Variants in EXOC6 observed in about 807,000 individuals in gnomAD.
EXOC6 encodes SEC15-like 1.
Under a neutral mutation model 112.5 loss-of-function variants are expected in EXOC6, and 60 were observed. That is an observed-to-expected ratio of 0.53 (90% CI 0.43 to 0.66). The LOEUF is 0.66. Among genes scored for constraint, EXOC6 ranks in the 30% least tolerant of loss-of-function variants. The probability of loss-of-function intolerance (pLI) is 0.00; values close to 1 mark genes in which losing one functional copy is unlikely to be tolerated. For missense variants in EXOC6, 855 were observed against 957.1 expected (o/e 0.89, Z 1.41); for synonymous variants, 295 against 308.0 (o/e 0.96, Z 0.44).
At chr10:92,914,794 G>C (rs891949557) in intron 6 of EXOC6, among the ~76,000 whole-genome samples, 1 of 152,192 alleles carries the variant, frequency 6.6e-6, no homozygotes, top group African/African-American at 2.4e-5. Flanking sequence ...AAAATAGCCA[G>C]TGCACGACCT....
chr10:93,012,945 G>A (rs983914820), intron 19 of EXOC6, among the ~76,000 whole-genome samples: 15 of 152,026 alleles, frequency 9.9e-5, no homozygotes, highest in Non-Finnish European at 1.5e-5. Context: ...CTACTTGGGA[G>A]GCTGATTCCT....
Position 92,915,906 on chromosome 10 carries a change from A to C in EXOC6, c.812A>C (p.Glu271Ala), listed in dbSNP as rs775779225. The change falls in exon 7 of 22, where the codon GAA (glutamate) becomes GCA (alanine). Residue 271 changes from glutamate (E) to alanine (A), a missense_variant. Glu to Ala is a moderately radical substitution (Grantham distance 107, BLOSUM62 -1). Around this residue, in one of 2 missense-constraint regions of EXOC6, gnomAD observed 405 missense variants for 393.6 expected, o/e 1.03. Coordinates refer to ENST00000260762, the MANE Select transcript of EXOC6 (RefSeq NM_019053.6). ...TCACTTGAAGAAGAGGATGAGAATGAAGAAGAGGTGATAGGTGTCTTTCTT... is the reference window on the plus strand; with the variant it reads ...TCACTTGAAGAAGAGGATGAGAATGCAGAAGAGGTGATAGGTGTCTTTCTT... ...KHSLEEEDEN[E>A]EEILTVQDLV... is the part of the protein sequence containing the mutation. The C allele has an allele frequency of 6.5e-6, 10 of 1,533,298 alleles. No homozygotes were observed. The highest frequency in any genetic ancestry group is 8.7e-6 in the Non-Finnish European group (10 of 1,151,206). The allele number at this position is 1,533,298 out of a possible 1,614,324, so 95.0% of individuals were successfully genotyped here.
chr10:92,917,720 C>G (rs1210004244), intron 7 of EXOC6, among the ~76,000 whole-genome samples: 1 of 152,036 alleles, frequency 6.6e-6, no homozygotes, highest in East Asian at 1.9e-4. Flanking sequence ...CTTATAGAGA[C>G]AGAGGTCTCA....
chr10:93,056,881 A>T, intron 20 of EXOC6, 43 bp from the exon 21 acceptor site: 1 of 1,125,104 alleles, frequency 8.9e-7, no homozygotes, highest in East Asian at 2.4e-5. Flanking sequence ...TTAACTGGGT[A>T]AATAATCAAA....
intron 18 of EXOC6, among the ~76,000 whole-genome samples, chr10:92,975,524 TGGG>T (rs1417286804): frequency 8.5e-6 from 1 of 117,546 alleles, no homozygotes; most frequent in African/African-American, 3.4e-5. Context: ...AGGAGGGAGG[TGGG>T]GGGGTCAGCC....
chr10:92,888,235 T>TA (rs953153638), intron 1 of EXOC6, among the ~76,000 whole-genome samples: 28 of 151,544 alleles, frequency 1.8e-4, no homozygotes, highest in South Asian at 1.3e-3. Flanking sequence ...GCATATATTC[T>TA]AAAAAAAAAT....
At chr10:92,831,615 A>G (rs1846484780), upstream of EXOC6, among the ~76,000 whole-genome samples, 1 of 151,994 alleles carries the variant, frequency 6.6e-6, no homozygotes, top group East Asian at 1.9e-4. Flanking sequence ...TTGTATTTTT[A>G]GTAGAGATGG....
intron 20 of EXOC6, among the ~76,000 whole-genome samples, chr10:93,015,001 A>G (rs1844436008): frequency 6.6e-6 from 1 of 151,636 alleles, no homozygotes; most frequent in Admixed American, 6.6e-5. Flanking sequence ...GGGAGTCACA[A>G]GGGGGTCATA....
At position 92,894,796 on chromosome 10, in the gene EXOC6, G is replaced by A; in HGVS notation, c.276G>A (p.Val92=). 1.2e-6 allele frequency: 2 copies of A among 1,613,206 alleles called. No individual in the cohort carries two copies. The highest frequency in any genetic ancestry group is 1.7e-6 in the Non-Finnish European group (2 of 1,179,528). Residue 92 remains valine (V), a splice_region_variant and synonymous_variant, in exon 3 of 22, where the codon GTG becomes GTA. Coordinates refer to ENST00000260762, the MANE Select transcript of EXOC6 (RefSeq NM_019053.6). The stretch of plus-strand genomic sequence containing the variant: ...TAAGGTGAAATTAAATTTTTAAGGT[G>A]CAAGTTACTGATACCAACCGAAGGT... ...KVRTDAEKLK[V]QVTDTNRRFQ...
At chr10:92,959,565 G>C (rs1317535900) in intron 17 of EXOC6, among the ~76,000 whole-genome samples, 4 of 152,136 alleles carry the variant, frequency 2.6e-5, no homozygotes, top group African/African-American at 9.7e-5. Context: ...TCAACAGAAT[G>C]AGAAGACAAG....
At chr10:92,917,592 A>G (rs1034366559) in intron 7 of EXOC6, among the ~76,000 whole-genome samples, 1 of 148,966 alleles carries the variant, frequency 6.7e-6, no homozygotes, top group African/African-American at 2.5e-5. Context: ...TGGTACAGTC[A>G]TAGCTCACTA....
intron 1 of EXOC6, chr10:92,878,248 C>T (rs1188241999): frequency 4.6e-5 from 7 of 152,152 alleles, no homozygotes; most frequent in Non-Finnish European, 7.3e-5. Context: ...CTTGATTTTC[C>T]TTATCCTCTT....
chr10:92,996,448 TC>T (rs1436774791), intron 18 of EXOC6, among the ~76,000 whole-genome samples: 2 of 152,124 alleles, frequency 1.3e-5, no homozygotes, highest in Non-Finnish European at 2.9e-5. Context: ...AAACTCTGTC[TC>T]TACTGAAAAC....
Position 92,848,547 on chromosome 10 carries a change from G to T in EXOC6, c.14G>T (p.Ser5Ile). ...CTTCCAGCCAAAATGGCGGAGAACA[G>T]CGAGAGTCTGGGCACCGTCCCCGAG... MAEN[S>I]ESLGTVPEHE... Residue 5 changes from serine to isoleucine, a missense_variant, in exon 1 of 22, where the codon AGC (serine) becomes ATC (isoleucine). Ser to Ile is a moderately radical substitution (Grantham distance 142). Around this residue, in one of 2 missense-constraint regions of EXOC6, gnomAD observed 405 missense variants for 393.6 expected, o/e 1.03. Transcript: ENST00000260762. The T allele has an allele frequency of 7.1e-7, 1 of 1,406,796 alleles. No homozygotes were observed. The highest frequency in any genetic ancestry group is 9.4e-7 in the Non-Finnish European group (1 of 1,058,566). The allele number at this position is 1,406,796 out of a possible 1,614,324, so 87.1% of individuals were successfully genotyped here.
intron 7 of EXOC6, among the ~76,000 whole-genome samples, chr10:92,919,622 C>T (rs1190799237): frequency 6.6e-6 from 1 of 151,974 alleles, no homozygotes; most frequent in Non-Finnish European, 1.5e-5. Flanking sequence ...TGTCTATAGC[C>T]AAATCATGAA....
intron 9 of EXOC6, among the ~76,000 whole-genome samples, chr10:92,929,829 A>G (rs1190602197): frequency 1.3e-5 from 2 of 152,218 alleles, no homozygotes; most frequent in Non-Finnish European, 2.9e-5. Context: ...GAAGTGAGAC[A>G]TGAGGGATAC....
At chr10:92,903,311 T>C (rs1001393919) in intron 5 of EXOC6, among the ~76,000 whole-genome samples, 1 of 152,040 alleles carries the variant, frequency 6.6e-6, no homozygotes, top group African/African-American at 2.4e-5. Context: ...TATAAAATAG[T>C]ATCTCATTGT....
intron 8 of EXOC6, among the ~76,000 whole-genome samples, chr10:92,921,154 A>G (rs1015685080): frequency 1.3e-5 from 2 of 151,236 alleles, no homozygotes; most frequent in Admixed American, 1.3e-4. Flanking sequence ...CATGTCTTAT[A>G]TCTTTTTTGT....
At chr10:92,831,062 C>T (rs1040539332), upstream of EXOC6, among the ~76,000 whole-genome samples, 1 of 152,180 alleles carries the variant, frequency 6.6e-6, no homozygotes, top group Non-Finnish European at 1.5e-5. Flanking sequence ...GGAAATGGCA[C>T]TCAAGGAAAG....
Sources: allele counts gnomAD v4.1 joint callset (sites outside exome capture counted in the v4.1 genomes callset), GRCh38; gene constraint gnomAD v4.1.1; regional missense constraint gnomAD v4.1.1; transcripts MANE v1.5; gene names NCBI Gene and HGNC (gene_info 2026-07-23, HGNC 2026-07-21).